NKAIN2: variants seen among roughly 807,000 people sequenced by gnomAD.
The protein encoded by NKAIN2 is sodium/potassium transporting ATPase interacting 2, also known as sodium/potassium-transporting ATPase subunit beta-1-interacting protein 2.
In NKAIN2, 14 loss-of-function variants were observed where a neutral mutation model predicts 32.6. The ratio of observed to expected loss-of-function variants is 0.43; its 90% CI spans 0.28 to 0.67. The LOEUF is 0.67. Ranked by LOEUF, NKAIN2 falls within the 30% of genes least tolerant of loss-of-function variation. The probability of loss-of-function intolerance (pLI) is 0.17; values close to 1 mark genes in which losing one functional copy is unlikely to be tolerated. For missense variants in NKAIN2, 198 were observed against 258.3 expected, an observed-to-expected ratio of 0.77 and a Z score of 1.60; for synonymous variants, 80 against 87.2, an observed-to-expected ratio of 0.92 and a Z score of 0.46.
intron 1 of NKAIN2, among the ~76,000 whole-genome samples, chr6:124,017,892 C>A (rs960504736): frequency 1.3e-5 from 2 of 152,066 alleles, no homozygotes; most frequent in South Asian, 4.1e-4. Context: ...AGGACAGTGG[C>A]CCTCTTCTCA....
At chr6:123,859,320 A>C (rs1043990378) in intron 1 of NKAIN2, among the ~76,000 whole-genome samples, 3 of 152,154 alleles carry the variant, frequency 2.0e-5, no homozygotes, top group Non-Finnish European at 4.4e-5. Flanking sequence ...TTATAATCAA[A>C]AGATTATGTG....
intron 2 of NKAIN2, among the ~76,000 whole-genome samples, chr6:124,318,878 A>C (rs1797065311): frequency 6.6e-6 from 1 of 152,132 alleles, no homozygotes; most frequent in Non-Finnish European, 1.5e-5. Context: ...TCTGCTGAGT[A>C]AACAAGTCTG....
At chr6:124,141,827 T>G (rs1787154893) in intron 1 of NKAIN2, among the ~76,000 whole-genome samples, 1 of 152,210 alleles carries the variant, frequency 6.6e-6, no homozygotes, top group South Asian at 2.1e-4. Flanking sequence ...CCATGTCTTC[T>G]TGAACCCAAC....
chr6:124,584,077 G>C (rs1781620324), intron 3 of NKAIN2, among the ~76,000 whole-genome samples: 1 of 152,068 alleles, frequency 6.6e-6, no homozygotes, highest in Admixed American at 6.5e-5. Flanking sequence ...TAGGACATTG[G>C]CCTAGGCAAA....
intron 1 of NKAIN2, among the ~76,000 whole-genome samples, chr6:123,972,789 T>A (rs911800784): frequency 6.6e-6 from 1 of 152,102 alleles, no homozygotes; most frequent in Non-Finnish European, 1.5e-5. Context: ...AGGAATAGAT[T>A]CCCTTTCCTC....
intron 2 of NKAIN2, among the ~76,000 whole-genome samples, chr6:124,346,339 G>A: frequency 6.6e-6 from 1 of 152,178 alleles, no homozygotes; most frequent in East Asian, 1.9e-4. Flanking sequence ...TTCTGTAGAT[G>A]TCTATTAGGT....
intron 1 of NKAIN2, among the ~76,000 whole-genome samples, chr6:123,988,586 G>A (rs1195480043): frequency 2.6e-5 from 4 of 152,146 alleles, no homozygotes; most frequent in Admixed American, 1.3e-4. Flanking sequence ...GTAGTTGACT[G>A]CTATCTTAAT....
rs1321858207 is a variant in NKAIN2 at position 124,279,276 on chromosome 6, C to T, written c.55-3729C>T. 3.9e-5 allele frequency among the ~76,000 whole-genome samples: 6 copies of T among 151,968 alleles called. No homozygotes were observed. In the South Asian group the frequency reaches 1.0e-3, roughly 26 times the overall value. ...TACTCTCAGCACTTTGGGAGGCCGA[C>T]GTGGGCCGATCATGAGGTCAGGAAA... On this transcript the variant is annotated intron_variant, in intron 1 of 6. Transcript: ENST00000368417.
At chr6:123,882,658 G>A (rs554165881) in intron 1 of NKAIN2, among the ~76,000 whole-genome samples, 1 of 152,158 alleles carries the variant, frequency 6.6e-6, no homozygotes, top group African/African-American at 2.4e-5. Context: ...TAAAAATGTT[G>A]CCAGTTTTCT....
chr6:124,247,359 T>C (rs1449545283), intron 1 of NKAIN2, among the ~76,000 whole-genome samples: 1 of 152,128 alleles, frequency 6.6e-6, no homozygotes, highest in Non-Finnish European at 1.5e-5. Context: ...GCAGGAGACA[T>C]TAATGTCTCT....
chr6:124,810,400 G>A (rs942178750), intron 5 of NKAIN2, among the ~76,000 whole-genome samples: 6 of 151,924 alleles, frequency 3.9e-5, no homozygotes, highest in South Asian at 2.1e-4. Context: ...ACCAAACACC[G>A]CATATTCTCA....
intron 5 of NKAIN2, among the ~76,000 whole-genome samples, chr6:124,805,930 G>T (rs1330338141): frequency 1.3e-5 from 2 of 152,150 alleles, no homozygotes; most frequent in Non-Finnish European, 2.9e-5. Flanking sequence ...AAGAAGGGAA[G>T]TTTAGAGAAA....
chr6:123,943,879 A>G (rs372501098), intron 1 of NKAIN2, among the ~76,000 whole-genome samples: 13 of 152,188 alleles, frequency 8.5e-5, no homozygotes, highest in African/African-American at 2.4e-4. Context: ...TGATATTGTA[A>G]TAATGTTAAA....
intron 3 of NKAIN2, among the ~76,000 whole-genome samples, chr6:124,541,140 C>A (rs1256387173): frequency 2.0e-5 from 3 of 152,106 alleles, no homozygotes; most frequent in African/African-American, 7.3e-5. Context: ...CACACACACA[C>A]CTCCCTCTGT....
intron 1 of NKAIN2, among the ~76,000 whole-genome samples, chr6:123,903,149 T>A (rs7770675): frequency 0.3 from 45,029 of 152,140 alleles, 9,114 homozygotes; most frequent in African/African-American, 0.58. Context: ...CTCTGATGGC[T>A]GTTTGAACAG....
At chr6:124,487,916 A>G (rs772243956) in intron 3 of NKAIN2, among the ~76,000 whole-genome samples, 1 of 152,088 alleles carries the variant, frequency 6.6e-6, no homozygotes, top group Non-Finnish European at 1.5e-5. Context: ...GTTTTATTGA[A>G]TAAACATGAA....
intron 3 of NKAIN2, among the ~76,000 whole-genome samples, chr6:124,360,384 G>T (rs984292322): frequency 3.9e-5 from 6 of 152,058 alleles, no homozygotes; most frequent in South Asian, 2.1e-4. Flanking sequence ...GAGTGAAACA[G>T]AAATTATAGT....
intron 3 of NKAIN2, among the ~76,000 whole-genome samples, chr6:124,444,277 C>G (rs1454810691): frequency 6.6e-6 from 1 of 151,840 alleles, no homozygotes; most frequent in South Asian, 2.1e-4. Context: ...TTCTTAGGAC[C>G]CTTACAACTT....
At chr6:124,429,704 G>A (rs992055805) in intron 3 of NKAIN2, among the ~76,000 whole-genome samples, 2 of 152,128 alleles carry the variant, frequency 1.3e-5, no homozygotes, top group South Asian at 4.1e-4. Context: ...CAGTAAACAG[G>A]TGCAGTACTT....
Sources: allele counts gnomAD v4.1 joint callset (sites outside exome capture counted in the v4.1 genomes callset), GRCh38; gene constraint gnomAD v4.1.1; transcripts MANE v1.5; gene names NCBI Gene and HGNC (gene_info 2026-07-23, HGNC 2026-07-21).